Variants in STK10 observed in about 807,000 individuals in gnomAD.
STK10 encodes serine/threonine-protein kinase 10.
A neutral mutation model predicts 113.8 loss-of-function variants in STK10; 78 were observed. The observed-to-expected ratio is 0.69, with a 90% CI of 0.57 to 0.83. The LOEUF is 0.83. Ranked by LOEUF, STK10 falls within the 40% of genes least tolerant of loss-of-function variation. STK10 has a pLI of 0.00. For synonymous variants in STK10, 465 were observed against 494.7 expected (o/e 0.94, Z 0.80); for missense variants, 1,109 against 1,280.1 (o/e 0.87, Z 2.04).
intron 3 of STK10, among the ~76,000 whole-genome samples, chr5:172,118,897 A>AAAAAAAAAAAAAT (rs1561815178): frequency 9.4e-5 from 14 of 149,532 alleles, no homozygotes; most frequent in East Asian, 2.0e-4. Flanking sequence ...AAAAAAAAAA[A>AAAAAAAAAAAAAT]GTGTCCACTG....
intron 1 of STK10, among the ~76,000 whole-genome samples, chr5:172,186,763 T>C (rs926645585): frequency 3.9e-5 from 6 of 152,186 alleles, no homozygotes; most frequent in Admixed American, 6.5e-5. Flanking sequence ...GGGCATGAGA[T>C]TGTTCACTTC....
intron 1 of STK10, among the ~76,000 whole-genome samples, chr5:172,177,774 C>T (rs1422697336): frequency 6.6e-6 from 1 of 152,176 alleles, no homozygotes; most frequent in African/African-American, 2.4e-5. Context: ...GCGTAACACT[C>T]CCTTGGACAG....
intron 12 of STK10, among the ~76,000 whole-genome samples, chr5:172,080,651 A>C (rs112882204): frequency 0.046 from 6,938 of 152,350 alleles, 557 homozygotes; most frequent in African/African-American, 0.16. Context: ...AAGGCCCTAA[A>C]TCTCTTCAAT....
intron 10 of STK10, among the ~76,000 whole-genome samples, chr5:172,085,457 G>A (rs1249012275): frequency 6.6e-6 from 1 of 152,076 alleles, no homozygotes; most frequent in African/African-American, 2.4e-5. Context: ...GGGGGGCTGA[G>A]GCTGGCGGAT....
chr5:172,054,798 T>C, intron 16 of STK10, 104 bp from the exon 17 acceptor site: 2 of 1,498,544 alleles, frequency 1.3e-6, no homozygotes, highest in Non-Finnish European at 1.8e-6. Flanking sequence ...GGGGGACTGG[T>C]CTGTGCACAG....
rs771202787 is a variant in STK10 at position 172,187,882 on chromosome 5, C to T, written c.156+5G>A. 8.1e-6 allele frequency: 13 copies of T among 1,612,670 alleles called. No homozygotes were observed. The highest frequency in any genetic ancestry group is 1.1e-5 in the Non-Finnish European group (13 of 1,179,570). Reference sequence around the variant, plus strand: ...GCGTCCGGCCACCCACCTCAGCGCCCTCACCTTGTAAACCTTGCCGAAGGC... The same window carrying T: ...GCGTCCGGCCACCCACCTCAGCGCCTTCACCTTGTAAACCTTGCCGAAGGC... On this transcript the variant is annotated splice_donor_5th_base_variant and intron_variant, in intron 1 of 18. Transcript: ENST00000176763. The surrounding 1 kb of genome is among the most constrained non-coding windows in gnomAD (Gnocchi z 4.6).
chr5:172,054,972 C>T (rs1466379644), intron 16 of STK10, among the ~76,000 whole-genome samples: 2 of 152,146 alleles, frequency 1.3e-5, no homozygotes, highest in African/African-American at 2.4e-5. Context: ...CACAAGGGCC[C>T]GTGTGCCCGA....
At chr5:172,112,602 G>A (rs1444960492) in intron 4 of STK10, among the ~76,000 whole-genome samples, 2 of 132,622 alleles carry the variant, frequency 1.5e-5, no homozygotes, top group East Asian at 4.5e-4. Context: ...TTTTTTTTTA[G>A]TAGAGACGGG....
intron 2 of STK10, among the ~76,000 whole-genome samples, chr5:172,150,210 G>A (rs890417003): frequency 6.6e-6 from 1 of 151,942 alleles, no homozygotes; most frequent in Non-Finnish European, 1.5e-5. Flanking sequence ...GCTGGGCATG[G>A]TGGCTCACGC....
At position 172,093,780 on chromosome 5, in the gene STK10, C is replaced by T. The variant is rs902986585; in HGVS notation, c.1186G>A (p.Val396Met). 24 of 1,609,508 alleles carry T rather than the reference C, an allele frequency of 1.5e-5. No homozygotes were observed. Among genetic ancestry groups the T allele is most frequent in the Non-Finnish European group, 2.0e-5 (23 of 1,176,470 alleles). ...AGGCCGTTCTCATTTCCAGGGGCCA[C>T]GACTGGGGGACTGGTGGTTTGGAGG... ...RSLQTTSPPV[V>M]APGNENGLAV... Residue 396 changes from valine to methionine, a missense_variant, in exon 9 of 19, where the codon GTG (valine) becomes ATG (methionine). Transcript: ENST00000176763. The surrounding 1 kb of genome is among the most constrained non-coding windows in gnomAD (Gnocchi z 4.1).
chr5:172,164,941 G>A (rs1561832553), intron 1 of STK10, among the ~76,000 whole-genome samples: 1 of 152,202 alleles, frequency 6.6e-6, no homozygotes, highest in East Asian at 1.9e-4. Context: ...ACACCCTTGC[G>A]AGCAGATACA....
At chr5:172,057,181 C>T (rs145605576) in intron 15 of STK10, 168 bp downstream of exon 15, 13 of 863,506 alleles carry the variant, frequency 1.5e-5, no homozygotes, top group Middle Eastern at 3.6e-4. Flanking sequence ...TGAAGCAGGA[C>T]GCCCCTGGAG....
At chr5:172,057,973 T>G (rs530626187) in intron 14 of STK10, among the ~76,000 whole-genome samples, 1 of 152,272 alleles carries the variant, frequency 6.6e-6, no homozygotes, top group South Asian at 2.1e-4. Flanking sequence ...TTGTCACTAT[T>G]TCCTCCTTTG....
At chr5:172,102,456 A>AC (rs1397368489) in intron 7 of STK10, among the ~76,000 whole-genome samples, 1 of 152,150 alleles carries the variant, frequency 6.6e-6, no homozygotes, top group African/African-American at 2.4e-5. Flanking sequence ...CAACAGCTGG[A>AC]CGCGGGCCGA....
intron 12 of STK10, among the ~76,000 whole-genome samples, chr5:172,069,150 G>A (rs893582375): frequency 6.6e-6 from 1 of 151,154 alleles, no homozygotes; most frequent in Non-Finnish European, 1.5e-5. Flanking sequence ...AGAAAAACAG[G>A]GAAGAGAGGA....
At chr5:172,109,805 C>T (rs1356094939) in intron 4 of STK10, among the ~76,000 whole-genome samples, 1 of 152,202 alleles carries the variant, frequency 6.6e-6, no homozygotes, top group Admixed American at 6.5e-5. Flanking sequence ...ATTTGAAACT[C>T]CCTGAATGGA....
intron 10 of STK10, among the ~76,000 whole-genome samples, chr5:172,084,763 T>G (rs1317122717): frequency 1.3e-5 from 2 of 152,118 alleles, no homozygotes; most frequent in Non-Finnish European, 2.9e-5. Flanking sequence ...GGTGTCAGAT[T>G]TTTTTAGATT....
At chr5:172,057,012 A>AGAGAAAGAAG (rs1767815293) in intron 15 of STK10, 1 of 140,088 alleles carries the variant, frequency 7.1e-6, no homozygotes, top group Non-Finnish European at 1.5e-5. Context: ...AAGGAAAGAA[A>AGAGAAAGAAG]GAAAGAAAGA....
At chr5:172,132,453 C>A (rs1376231247) in intron 2 of STK10, among the ~76,000 whole-genome samples, 1 of 151,818 alleles carries the variant, frequency 6.6e-6, no homozygotes, top group Admixed American at 6.6e-5. Flanking sequence ...GATGGGGAAT[C>A]CGTGCCCACC....
Sources: gnomAD v4.1 joint callset for allele counts (sites outside exome capture counted in the v4.1 genomes callset) on GRCh38, gnomAD v4.1.1 for gene constraint, Gnocchi (gnomAD v3.1) non-coding constraint, MANE v1.5 for transcripts, NCBI Gene and HGNC (gene_info 2026-07-23, HGNC 2026-07-21) for gene names.